Variants in DDAH1 observed in about 807,000 individuals in gnomAD.
DDAH1 encodes N(G),N(G)-dimethylarginine dimethylaminohydrolase 1.
In DDAH1, 19 loss-of-function variants were observed where a neutral mutation model predicts 28.8. The observed-to-expected ratio is 0.66, with a 90% CI of 0.46 to 0.97. DDAH1 has a LOEUF of 0.97. Among genes scored for constraint, DDAH1 ranks in the 50% least tolerant of loss-of-function variants. The pLI is 0.00. For missense variants in DDAH1, 326 were observed against 375.9 expected (o/e 0.87, Z 1.10); for synonymous variants, 153 against 154.4 (o/e 0.99, Z 0.07).
intron 2 of DDAH1, among the ~76,000 whole-genome samples, chr1:85,489,963 C>A (rs1328772804): frequency 1.3e-5 from 2 of 152,104 alleles, no homozygotes; most frequent in Non-Finnish European, 2.9e-5. Flanking sequence ...TATTTATATT[C>A]TACTTCAGAG....
chr1:85,524,041 C>T (rs1657778403), intron 1 of DDAH1, among the ~76,000 whole-genome samples: 1 of 151,544 alleles, frequency 6.6e-6, no homozygotes, highest in Non-Finnish European at 1.5e-5. Flanking sequence ...GGCCAACCAT[C>T]TATTATTCAT....
At chr1:85,567,849 C>T (rs1462352313) in intron 1 of DDAH1, among the ~76,000 whole-genome samples, 1 of 152,126 alleles carries the variant, frequency 6.6e-6, no homozygotes, top group Admixed American at 6.6e-5. Flanking sequence ...CACTATCAAA[C>T]AATTTTGCCT....
intron 1 of DDAH1, among the ~76,000 whole-genome samples, chr1:85,454,804 A>G (rs761663625): frequency 1.4e-4 from 22 of 152,186 alleles, no homozygotes; most frequent in Non-Finnish European, 3.1e-4. Context: ...AAATGGTACA[A>G]AAACCTTGTC....
At chr1:85,446,830 C>T (rs893053020) in intron 1 of DDAH1, among the ~76,000 whole-genome samples, 5 of 152,124 alleles carry the variant, frequency 3.3e-5, no homozygotes, top group Admixed American at 6.5e-5. Context: ...TTCTTCTTCT[C>T]CTTCTCTCTT....
rs915879938 is a variant in DDAH1 at position 85,324,733 on chromosome 1, T to A, written c.741+7A>T. ...AGCTGCAGTGGTCAGAAGGGATATT[T>A]TTTTACCTTTGCACTTTCTGGATAC... On this transcript the variant is annotated splice_region_variant and intron_variant, in intron 5 of 5. Transcript: ENST00000284031. 2 of 1,614,086 alleles carry A rather than the reference T, an allele frequency of 1.2e-6. No individual in the cohort carries two copies. The highest frequency in any genetic ancestry group is 3.3e-5 in the Admixed American group (2 of 60,022).
At chr1:85,418,687 T>C (rs2124139) in intron 1 of DDAH1, among the ~76,000 whole-genome samples, 19,850 of 152,254 alleles carry the variant, frequency 0.13, 1,574 homozygotes, top group South Asian at 0.29. Flanking sequence ...TCTTCGGATG[T>C]TGGAAATGTC....
intron 2 of DDAH1, among the ~76,000 whole-genome samples, chr1:85,482,814 G>T (rs1656054685): frequency 6.6e-6 from 1 of 152,114 alleles, no homozygotes; most frequent in Admixed American, 6.5e-5. Flanking sequence ...TTATCTGTGG[G>T]AATCCACCTT....
At chr1:85,492,698 T>G (rs930614743) in intron 2 of DDAH1, among the ~76,000 whole-genome samples, 13 of 152,180 alleles carry the variant, frequency 8.5e-5, no homozygotes, top group Non-Finnish European at 1.2e-4. Flanking sequence ...ACTTACACTG[T>G]CTATGTAGCA....
At chr1:85,570,156 T>G (rs548357272) in intron 1 of DDAH1, among the ~76,000 whole-genome samples, 12 of 152,282 alleles carry the variant, frequency 7.9e-5, no homozygotes, top group African/African-American at 2.9e-4. Context: ...CCCGTGAGAT[T>G]AGGTGGTTAA....
chr1:85,367,945 G>C (rs1650161249), intron 1 of DDAH1, among the ~76,000 whole-genome samples: 1 of 152,132 alleles, frequency 6.6e-6, no homozygotes, highest in Admixed American at 6.6e-5. Flanking sequence ...GTTAGCTGCA[G>C]CTAAAAGTAA....
Position 85,343,771 on chromosome 1 carries a change from AT to A in DDAH1, c.597+6643del, listed in dbSNP as rs1275205573. Among the ~76,000 whole-genome samples, 15 of 152,388 alleles carry A rather than the reference AT, an allele frequency of 9.8e-5. No homozygotes were observed. The East Asian group carries it at 2.5e-3, about 25-fold the overall frequency. On this transcript the variant is annotated intron_variant, in intron 4 of 5. Coordinates refer to ENST00000284031, the MANE Select transcript of DDAH1 (RefSeq NM_012137.4). ...GGAAATTCCAGGCAATAAAAAGCAT[AT>A]AAAATCCAAACACATTAAGGGTTTT... is the stretch of plus-strand genomic sequence containing the variant.
At chr1:85,354,861 G>A (rs1386082670) in intron 2 of DDAH1, among the ~76,000 whole-genome samples, 1 of 151,894 alleles carries the variant, frequency 6.6e-6, no homozygotes, top group African/African-American at 2.4e-5. Flanking sequence ...AAATTAATGA[G>A]ATAAAATTCC....
At chr1:85,510,027 A>T (rs1223952833) in intron 1 of DDAH1, among the ~76,000 whole-genome samples, 2 of 152,156 alleles carry the variant, frequency 1.3e-5, no homozygotes, top group African/African-American at 4.8e-5. Flanking sequence ...CTTTCTCGAC[A>T]ACTCCAAGAC....
At chr1:85,498,676 T>G (rs1017573560) in intron 1 of DDAH1, among the ~76,000 whole-genome samples, 7 of 152,194 alleles carry the variant, frequency 4.6e-5, no homozygotes, top group African/African-American at 1.7e-4. Flanking sequence ...CCCAGCACTT[T>G]GAGAGGCTGA....
intron 1 of DDAH1, among the ~76,000 whole-genome samples, chr1:85,544,922 C>T (rs1257732047): frequency 1.3e-5 from 2 of 152,144 alleles, no homozygotes; most frequent in Non-Finnish European, 2.9e-5. Context: ...AAGATAGCAA[C>T]AGTGGGGTTC....
chr1:85,409,710 C>A (rs529013936), intron 1 of DDAH1, among the ~76,000 whole-genome samples: 114 of 152,266 alleles, frequency 7.5e-4, no homozygotes, highest in Non-Finnish European at 2.6e-4. Flanking sequence ...TTGCATTCAC[C>A]TCTATAATGG....
chr1:85,494,417 G>A (rs1405169842), intron 2 of DDAH1: 1 of 152,060 alleles, frequency 6.6e-6, no homozygotes, highest in Admixed American at 6.5e-5. Context: ...ATAATATGTA[G>A]CCACCTGACC....
At chr1:85,352,786 A>T (rs920110859) in intron 2 of DDAH1, among the ~76,000 whole-genome samples, 1 of 152,216 alleles carries the variant, frequency 6.6e-6, no homozygotes, top group Admixed American at 6.5e-5. Context: ...ATATTAGCCT[A>T]TGGTAAAAAT....
chr1:85,384,276 T>A (rs1651143554), intron 1 of DDAH1, among the ~76,000 whole-genome samples: 1 of 152,172 alleles, frequency 6.6e-6, no homozygotes, highest in African/African-American at 2.4e-5. Flanking sequence ...ACCCAAAGAC[T>A]CAAGTAACAA....
Sources: gnomAD v4.1 joint callset for allele counts (sites outside exome capture counted in the v4.1 genomes callset) on GRCh38, gnomAD v4.1.1 for gene constraint, MANE v1.5 for transcripts, NCBI Gene and HGNC (gene_info 2026-07-23, HGNC 2026-07-21) for gene names.